Variants in HIGD1C observed in about 807,000 individuals in gnomAD.
HIGD1C encodes the protein HIG1 hypoxia inducible domain family member 1C.
HIGD1C carries 11 observed loss-of-function variants against 13.1 expected under a neutral mutation model. The ratio of observed to expected loss-of-function variants is 0.84; its 90% CI spans 0.53 to 1.39. The LOEUF is 1.39. Among genes scored for constraint, HIGD1C ranks in the 40% most tolerant of loss-of-function variants. The pLI is 0.00. For synonymous variants in HIGD1C, 36 were observed against 37.7 expected (o/e 0.95, Z 0.17); for missense variants, 110 against 112.0 (o/e 0.98, Z 0.08).
the HIGD1C span, among the ~76,000 whole-genome samples, chr12:50,944,911 G>A: frequency 6.6e-6 from 1 of 152,006 alleles, no homozygotes; most frequent in African/African-American, 2.4e-5. Context: ...ATTCATCCCT[G>A]GGATGCAAGG....
chr12:50,937,418 C>G, the HIGD1C span, among the ~76,000 whole-genome samples: 2 of 152,184 alleles, frequency 1.3e-5, no homozygotes, highest in African/African-American at 2.4e-5. Flanking sequence ...CCATTGACCC[C>G]GAAGCCTCAA....
At chr12:50,953,337 T>C (rs1411867717), upstream of HIGD1C, among the ~76,000 whole-genome samples, 2 of 152,184 alleles carry the variant, frequency 1.3e-5, no homozygotes, top group Non-Finnish European at 2.9e-5. Flanking sequence ...AATTCTGGGG[T>C]GAACACAATA....
the HIGD1C span, among the ~76,000 whole-genome samples, chr12:50,945,017 C>T: frequency 6.6e-5 from 10 of 152,224 alleles, no homozygotes; most frequent in South Asian, 2.1e-3. Flanking sequence ...GCAGAAAAGG[C>T]CTTTGACAAA....
At chr12:50,941,940 G>GT in the HIGD1C span, among the ~76,000 whole-genome samples, 1 of 152,120 alleles carries the variant, frequency 6.6e-6, no homozygotes, top group African/African-American at 2.4e-5. Flanking sequence ...TCAGACTGGA[G>GT]TGCAGTGGTG....
At chr12:50,948,852 C>G in the HIGD1C span, among the ~76,000 whole-genome samples, 1 of 55,088 alleles carries the variant, frequency 1.8e-5, no homozygotes, top group Non-Finnish European at 3.2e-5. Context: ...AGCCTGGCGA[C>G]AGAGCGAGGA....
intron 2 of HIGD1C, among the ~76,000 whole-genome samples, chr12:50,961,337 T>C (rs1221067335): frequency 6.6e-6 from 1 of 152,174 alleles, no homozygotes; most frequent in Non-Finnish European, 1.5e-5. Flanking sequence ...AATGGGCTGT[T>C]CTTCTCTTTA....
chr12:50,958,646 C>G (rs1025542274), intron 1 of HIGD1C, among the ~76,000 whole-genome samples: 3 of 152,012 alleles, frequency 2.0e-5, no homozygotes, highest in Non-Finnish European at 2.9e-5. Context: ...TTAAGGCTTA[C>G]TATATTGCTA....
rs1303910149 is a variant in HIGD1C at position 50,953,980 on chromosome 12, A to G, written c.-19A>G. 6.8e-7 allele frequency: 1 copy of G among 1,469,282 alleles called. No individual in the cohort carries two copies. The highest frequency in any genetic ancestry group is 1.7e-5 in the Admixed American group (1 of 59,330). The allele number at this position is 1,469,282 out of a possible 1,614,324, so 91.0% of individuals were successfully genotyped here. A position where few individuals can be genotyped will look rare whatever the true frequency, so the allele number is the denominator to read the frequency against. ...TTCACGGCAACCACATTTATATCCTATTGTTACTAGAGAAAAAAATGTCTT... is the reference window on the plus strand; with the variant it reads ...TTCACGGCAACCACATTTATATCCTGTTGTTACTAGAGAAAAAAATGTCTT... On this transcript the variant is annotated 5_prime_UTR_variant, in exon 1 of 3. Coordinates refer to ENST00000398455, the Ensembl canonical transcript of HIGD1C.
chr12:50,946,229 T>C, the HIGD1C span, among the ~76,000 whole-genome samples: 1 of 152,048 alleles, frequency 6.6e-6, no homozygotes, highest in Non-Finnish European at 1.5e-5. Context: ...AATTGACAAA[T>C]GGGATCTAAT....
the HIGD1C span, among the ~76,000 whole-genome samples, chr12:50,934,265 G>A: frequency 6.6e-6 from 1 of 152,198 alleles, no homozygotes; most frequent in Non-Finnish European, 1.5e-5. Context: ...AACAAAGAAA[G>A]TAAAAGACAA....
At chr12:50,939,725 A>G in the HIGD1C span, among the ~76,000 whole-genome samples, 2 of 152,206 alleles carry the variant, frequency 1.3e-5, no homozygotes, top group African/African-American at 4.8e-5. Flanking sequence ...GAAATGAGAT[A>G]AACACAAAAG....
At chr12:50,939,496 G>A in the HIGD1C span, among the ~76,000 whole-genome samples, 1 of 152,138 alleles carries the variant, frequency 6.6e-6, no homozygotes. Flanking sequence ...AATTATGAAA[G>A]TACCTACTAA....
upstream of HIGD1C, among the ~76,000 whole-genome samples, chr12:50,951,934 AAAAG>A (rs1188419786): frequency 2.6e-5 from 4 of 151,676 alleles, no homozygotes; most frequent in African/African-American, 7.3e-5. Flanking sequence ...AAAAAAAAAA[AAAAG>A]AAAAAAAAAT....
chr12:50,945,134 A>G, the HIGD1C span, among the ~76,000 whole-genome samples: 2 of 152,204 alleles, frequency 1.3e-5, no homozygotes, highest in Non-Finnish European at 2.9e-5. Context: ...ATCATACTGA[A>G]TGGGCAAAAA....
At chr12:50,959,051 T>C (rs1939222868) in intron 1 of HIGD1C, among the ~76,000 whole-genome samples, 1 of 152,116 alleles carries the variant, frequency 6.6e-6, no homozygotes, top group African/African-American at 2.4e-5. Context: ...ATGCACACTT[T>C]TACTGTGCAA....
chr12:50,951,163 A>C (rs1938887036), upstream of HIGD1C, among the ~76,000 whole-genome samples: 1 of 152,142 alleles, frequency 6.6e-6, no homozygotes, highest in African/African-American at 2.4e-5. Flanking sequence ...ATTAAAAGGG[A>C]GAAAAAAAAG....
chr12:50,962,137 C>T (rs545504930), intron 2 of HIGD1C, among the ~76,000 whole-genome samples: 4 of 152,244 alleles, frequency 2.6e-5, no homozygotes, highest in East Asian at 1.9e-4. Context: ...TGTGATCCCA[C>T]CACTTTGGGA....
chr12:50,942,602 C>T, the HIGD1C span, among the ~76,000 whole-genome samples: 1 of 152,174 alleles, frequency 6.6e-6, no homozygotes, highest in African/African-American at 2.4e-5. Context: ...TGTAGTGGCT[C>T]ATGCCTGTAA....
the HIGD1C span, among the ~76,000 whole-genome samples, chr12:50,943,631 A>T: frequency 2.6e-5 from 4 of 151,248 alleles, no homozygotes; most frequent in African/African-American, 7.3e-5. Flanking sequence ...AATGGTGTGA[A>T]CCCTGGGGGC....
Sources: gnomAD v4.1 joint callset for allele counts (sites outside exome capture counted in the v4.1 genomes callset) on GRCh38, gnomAD v4.1.1 for gene constraint, MANE v1.5 for transcripts, NCBI Gene and HGNC (gene_info 2026-07-23, HGNC 2026-07-21) for gene names.